UXS1: variants seen among roughly 807,000 people sequenced by gnomAD.
UXS1 encodes the protein UDP-glucuronic acid decarboxylase 1.
UXS1 carries 33 observed loss-of-function variants against 62.6 expected under a neutral mutation model. The observed-to-expected ratio is 0.53, with a 90% CI of 0.40 to 0.70. The LOEUF is 0.70. Among genes scored for constraint, UXS1 ranks in the 30% least tolerant of loss-of-function variants. UXS1 has a pLI of 0.00. For synonymous variants in UXS1, 213 were observed against 206.8 expected (o/e 1.03, Z -0.26); for missense variants, 434 against 556.3 (o/e 0.78, Z 2.21).
intron 9 of UXS1, among the ~76,000 whole-genome samples, chr2:106,120,538 C>A (rs1321910768): frequency 6.6e-6 from 1 of 152,192 alleles, no homozygotes; most frequent in Non-Finnish European, 1.5e-5. Context: ...AGATGCAAAC[C>A]CTCAGCACAT....
intron 5 of UXS1, among the ~76,000 whole-genome samples, chr2:106,149,997 C>T (rs1422022211): frequency 1.3e-5 from 2 of 152,158 alleles, no homozygotes; most frequent in Non-Finnish European, 2.9e-5. Context: ...GAACATACCA[C>T]TGGAAACTGG....
intron 11 of UXS1, 192 bp from the exon 12 acceptor site, chr2:106,101,310 A>G (rs767261679): frequency 6.8e-6 from 4 of 591,446 alleles, no homozygotes; most frequent in Non-Finnish European, 1.2e-5. Flanking sequence ...TTTATGGATG[A>G]AATGATATAT....
At chr2:106,113,104 T>C (rs1465116931) in intron 9 of UXS1, among the ~76,000 whole-genome samples, 4 of 152,340 alleles carry the variant, frequency 2.6e-5, no homozygotes, top group African/African-American at 9.6e-5. Context: ...TTTTCCAAAA[T>C]GGGATCATGT....
rs533567197 is a variant in UXS1, at chr2:106,129,955, G to C, written c.473-177C>G. Among the ~76,000 whole-genome samples the C allele has an allele frequency of 3.3e-5, 5 of 152,234 alleles. No individual in the cohort carries two copies. In the South Asian group the frequency reaches 1.0e-3, roughly 32 times the overall value. On this transcript the variant is annotated intron_variant, in intron 6 of 14. Coordinates refer to ENST00000283148, the MANE Select transcript of UXS1 (RefSeq NM_001253875.2). The stretch of plus-strand genomic sequence containing the variant: ...ATTAGGAAAATGTTAAACAAAAATA[G>C]AAAGTCTAATTATTTGGAAACAAAA...
intron 1 of UXS1, 51 bp from the exon 2 acceptor site, chr2:106,166,134 G>A: frequency 1.3e-6 from 2 of 1,523,252 alleles, no homozygotes; most frequent in Non-Finnish European, 1.8e-6. Flanking sequence ...CAACTTTCAG[G>A]GATTCCAATG....
chr2:106,192,728 TCTTA>T (rs147895138), intron 1 of UXS1, among the ~76,000 whole-genome samples: 2,041 of 152,248 alleles, frequency 0.013, 46 homozygotes, highest in African/African-American at 0.046. Context: ...GCCCTCCTTC[TCTTA>T]CTATCTGTGT....
chr2:106,181,389 G>C (rs1055364254), intron 1 of UXS1, among the ~76,000 whole-genome samples: 1 of 152,196 alleles, frequency 6.6e-6, no homozygotes, highest in Non-Finnish European at 1.5e-5. Flanking sequence ...GAGAATAACC[G>C]TTAATGAATC....
At chr2:106,173,162 G>A (rs1236592949) in intron 1 of UXS1, among the ~76,000 whole-genome samples, 3 of 152,158 alleles carry the variant, frequency 2.0e-5, no homozygotes, top group Non-Finnish European at 2.9e-5. Context: ...CTGTTATCTA[G>A]GGTACTGAGA....
At chr2:106,193,782 G>A (rs906367677) in intron 1 of UXS1, among the ~76,000 whole-genome samples, 5 of 152,064 alleles carry the variant, frequency 3.3e-5, no homozygotes, top group Non-Finnish European at 5.9e-5. Flanking sequence ...GTATCCCCAC[G>A]CGGCACGCTC....
chr2:106,154,227 T>A (rs1006451130), intron 5 of UXS1, among the ~76,000 whole-genome samples: 1 of 152,166 alleles, frequency 6.6e-6, no homozygotes, highest in Non-Finnish European at 1.5e-5. Flanking sequence ...GAACTGCAAT[T>A]AGGATAAACA....
At chr2:106,138,822 C>T in intron 6 of UXS1, 3 of 985,454 alleles carry the variant, frequency 3.0e-6, no homozygotes, top group Non-Finnish European at 3.6e-6. Flanking sequence ...CCCACCACCC[C>T]CCTCTCCTTT....
chr2:106,096,206 A>G (rs374243451), intron 14 of UXS1, among the ~76,000 whole-genome samples: 11 of 149,418 alleles, frequency 7.4e-5, no homozygotes, highest in African/African-American at 2.7e-4. Flanking sequence ...GTGTGTGTGT[A>G]TGTATGTGGG....
intron 10 of UXS1, among the ~76,000 whole-genome samples, chr2:106,108,688 A>C (rs1678306165): frequency 6.6e-6 from 1 of 152,180 alleles, no homozygotes. Context: ...GTGCAGGTCA[A>C]AGCAGCATGA....
At chr2:106,145,019 C>T (rs923920545) in intron 6 of UXS1, among the ~76,000 whole-genome samples, 171 bp downstream of exon 6, 1 of 152,178 alleles carries the variant, frequency 6.6e-6, no homozygotes, top group East Asian at 1.9e-4. Flanking sequence ...TATAACCACT[C>T]GTTATCACAC....
chr2:106,194,053 AGGGCCGCCTCG>A, intron 1 of UXS1, 84 bp downstream of exon 1: 1 of 950,438 alleles, frequency 1.1e-6, no homozygotes, highest in South Asian at 2.3e-5. Context: ...GCGGGGCTGC[AGGGCCGCCTCG>A]GGGCCCCGAA....
chr2:106,175,608 T>A (rs1196195960), intron 1 of UXS1, among the ~76,000 whole-genome samples: 1 of 152,090 alleles, frequency 6.6e-6, no homozygotes, highest in Non-Finnish European at 1.5e-5. Context: ...TCTGCCACAT[T>A]TGCTGAGACA....
intron 7 of UXS1, 73 bp from the exon 8 acceptor site, chr2:106,125,752 A>C: frequency 2.2e-6 from 3 of 1,359,844 alleles, no homozygotes; most frequent in South Asian, 2.8e-5. Context: ...GGCCAATTTA[A>C]GCAATGTTTT....
In UXS1 at chr2:106,194,228, G is replaced by A. The variant is rs1321936213; in HGVS notation, c.14C>T (p.Ala5Val). The A allele has an allele frequency of 4.1e-6, 6 of 1,450,444 alleles. No individual in the cohort carries two copies. Among genetic ancestry groups the A allele is most frequent in the South Asian group, 1.3e-5 (1 of 76,984 alleles). The allele number at this position is 1,450,444 out of a possible 1,614,324, so 89.8% of individuals were successfully genotyped here. The change falls in exon 1 of 15, where the codon GCG becomes GTG. Residue 5 changes from alanine (A) to valine (V), a missense_variant. By Grantham distance (64) the Ala-to-Val change is moderately conservative. Coordinates refer to ENST00000283148, the MANE Select transcript of UXS1 (RefSeq NM_001253875.2). MVSK[A>V]LLRLVSAVNR... ...GACGGCAGACACGAGGCGCAGCAGC[G>A]CCTTGCTCACCATCCCCGGGAGCCG...
chr2:106,119,915 T>C (rs1487089450), intron 9 of UXS1, among the ~76,000 whole-genome samples: 1 of 152,240 alleles, frequency 6.6e-6, no homozygotes. Flanking sequence ...GGATTATGCA[T>C]AGCAATTTTT....
Sources: allele counts gnomAD v4.1 joint callset (sites outside exome capture counted in the v4.1 genomes callset), GRCh38; gene constraint gnomAD v4.1.1; transcripts MANE v1.5; gene names NCBI Gene and HGNC (gene_info 2026-07-23, HGNC 2026-07-21).